SLC35F3: variants seen among roughly 807,000 people sequenced by gnomAD.
SLC35F3 encodes solute carrier family 35 member F3.
A neutral mutation model predicts 49.9 loss-of-function variants in SLC35F3; 25 were observed. The ratio of observed to expected loss-of-function variants is 0.50; its 90% CI spans 0.37 to 0.70. The LOEUF (loss-of-function observed/expected upper bound fraction) is 0.70, where lower values mean the gene tolerates loss of function less well. Ranked by LOEUF, SLC35F3 falls within the 30% of genes least tolerant of loss-of-function variation. The pLI is 0.00. For synonymous variants in SLC35F3, 275 were observed against 265.4 expected (o/e 1.04, Z -0.35); for missense variants, 525 against 639.8 (o/e 0.82, Z 1.94).
chr1:234,144,468 T>G (rs1165586224), intron 2 of SLC35F3, among the ~76,000 whole-genome samples: 1 of 152,232 alleles, frequency 6.6e-6, no homozygotes, highest in Non-Finnish European at 1.5e-5. Flanking sequence ...TATTTCTACC[T>G]CTCACTGATG....
intron 3 of SLC35F3, among the ~76,000 whole-genome samples, chr1:234,234,698 GAGCCCTGGTCCTCTTCA>G (rs1366063561): frequency 6.6e-6 from 1 of 151,946 alleles, no homozygotes; most frequent in Non-Finnish European, 1.5e-5. Context: ...GAGGATGTTC[GAGCCCTGGTCCTCTTCA>G]AGCCCTGGTC....
chr1:234,016,883 G>A (rs1195264747), intron 2 of SLC35F3, among the ~76,000 whole-genome samples: 1 of 152,192 alleles, frequency 6.6e-6, no homozygotes, highest in African/African-American at 2.4e-5. Flanking sequence ...CAGGAGGAAG[G>A]GGGAGGCAGA....
At chr1:234,077,749 A>G (rs529003257) in intron 2 of SLC35F3, among the ~76,000 whole-genome samples, 72 of 152,252 alleles carry the variant, frequency 4.7e-4, no homozygotes, top group African/African-American at 1.6e-3. Context: ...GCTCAACTCC[A>G]GAAAAATCTC....
chr1:233,951,695 A>G (rs566252896), intron 2 of SLC35F3, among the ~76,000 whole-genome samples: 1 of 151,908 alleles, frequency 6.6e-6, no homozygotes, highest in Admixed American at 6.6e-5. Context: ...ACCTTTCCAC[A>G]TGTAGATGAT....
intron 2 of SLC35F3, among the ~76,000 whole-genome samples, chr1:234,192,505 GA>G (rs1666746266): frequency 6.6e-6 from 1 of 152,120 alleles, no homozygotes; most frequent in Non-Finnish European, 1.5e-5. Flanking sequence ...ACTGAATGGG[GA>G]AAAGTTGAAA....
chr1:234,285,431 C>T lies in SLC35F3; in HGVS notation c.609-23670C>T, dbSNP rs77294404. ...AAGAAAATGACGTTGAGCTTGTTTC[C>T]AGCTCAGCAGGTCTGATTCAGCAAG... On this transcript the variant is annotated intron_variant, in intron 3 of 7. Coordinates refer to ENST00000366618, the MANE Select transcript of SLC35F3 (RefSeq NM_173508.4). 7.8e-3 allele frequency: 3,409 copies of T among 437,604 alleles called. 67 individuals are homozygous for T. The highest frequency in any genetic ancestry group is 0.049 in the African/African-American group (2,411 of 48,920). The allele number at this position is 437,604 out of a possible 1,614,324, so 27.1% of individuals were successfully genotyped here.
chr1:233,972,033 G>T (rs1314576612), intron 2 of SLC35F3, among the ~76,000 whole-genome samples: 1 of 152,240 alleles, frequency 6.6e-6, no homozygotes, highest in Non-Finnish European at 1.5e-5. Flanking sequence ...CCAGCAGCTG[G>T]TGGCTGTCAC....
intron 4 of SLC35F3, among the ~76,000 whole-genome samples, chr1:234,315,094 C>T (rs907390279): frequency 6.6e-6 from 1 of 152,164 alleles, no homozygotes; most frequent in Admixed American, 6.5e-5. Flanking sequence ...TGTAGGCATA[C>T]ATCTGATGCA....
chr1:233,980,126 A>G (rs1170899761), intron 2 of SLC35F3, among the ~76,000 whole-genome samples: 1 of 152,218 alleles, frequency 6.6e-6, no homozygotes, highest in African/African-American at 2.4e-5. Flanking sequence ...TACCACACAC[A>G]CAGCCTTGTG....
chr1:233,917,325 G>A (rs763490784), intron 2 of SLC35F3, among the ~76,000 whole-genome samples: 1 of 152,132 alleles, frequency 6.6e-6, no homozygotes. Context: ...CAGCTTCTTA[G>A]CTACAGGGGG....
At chr1:234,235,302 G>T (rs1667447321) in intron 3 of SLC35F3, among the ~76,000 whole-genome samples, 1 of 152,202 alleles carries the variant, frequency 6.6e-6, no homozygotes, top group African/African-American at 2.4e-5. Flanking sequence ...AATGAAGGTG[G>T]CCACAAGGAT....
intron 2 of SLC35F3, among the ~76,000 whole-genome samples, chr1:233,922,099 A>G (rs1662072649): frequency 6.6e-6 from 1 of 152,182 alleles, no homozygotes; most frequent in Non-Finnish European, 1.5e-5. Context: ...GCTGCAGTAA[A>G]CATATGTGTG....
At chr1:234,004,699 T>C (rs1663604385) in intron 2 of SLC35F3, among the ~76,000 whole-genome samples, 1 of 152,136 alleles carries the variant, frequency 6.6e-6, no homozygotes, top group Non-Finnish European at 1.5e-5. Context: ...TTTCTAACCA[T>C]ACTTATCAAA....
At chr1:233,936,576 C>T (rs1662332932) in intron 2 of SLC35F3, among the ~76,000 whole-genome samples, 1 of 150,450 alleles carries the variant, frequency 6.6e-6, no homozygotes, top group Admixed American at 6.7e-5. Context: ...CTCCTCCTTC[C>T]TCTTCCTCCT....
chr1:234,258,490 C>CT (rs765664569), intron 3 of SLC35F3, among the ~76,000 whole-genome samples: 11 of 152,240 alleles, frequency 7.2e-5, no homozygotes, highest in Admixed American at 4.6e-4. Flanking sequence ...TATCATTTAA[C>CT]TATGCCTAGG....
intron 2 of SLC35F3, among the ~76,000 whole-genome samples, chr1:234,074,011 G>A (rs149290635): frequency 1.8e-4 from 27 of 152,276 alleles, no homozygotes; most frequent in African/African-American, 5.1e-4. Flanking sequence ...GCCATATTGA[G>A]TGTGGCAAAA....
At chr1:234,077,917 T>C (rs1478942478) in intron 2 of SLC35F3, among the ~76,000 whole-genome samples, 7 of 152,290 alleles carry the variant, frequency 4.6e-5, no homozygotes, top group African/African-American at 1.7e-4. Flanking sequence ...GCAGATGACA[T>C]TGAGGGTTGC....
chr1:234,004,453 T>C (rs770864031), intron 2 of SLC35F3, among the ~76,000 whole-genome samples: 6 of 152,148 alleles, frequency 3.9e-5, no homozygotes, highest in Non-Finnish European at 8.8e-5. Flanking sequence ...AAAAGTATTT[T>C]TAAAGGTAGT....
intron 2 of SLC35F3, among the ~76,000 whole-genome samples, chr1:233,924,278 G>T (rs1202804415): frequency 6.6e-6 from 1 of 151,878 alleles, no homozygotes; most frequent in East Asian, 1.9e-4. Context: ...TGGTCCTACA[G>T]TTTTTTTGGT....
Sources: allele counts gnomAD v4.1 joint callset (sites outside exome capture counted in the v4.1 genomes callset), GRCh38; gene constraint gnomAD v4.1.1; transcripts MANE v1.5; gene names NCBI Gene and HGNC (gene_info 2026-07-23, HGNC 2026-07-21).